DYSF: variants seen among roughly 807,000 people sequenced by gnomAD.
The protein encoded by DYSF is dystrophy-associated fer-1-like 1.
A neutral mutation model predicts 274.9 loss-of-function variants in DYSF; 212 were observed. That is an observed-to-expected ratio of 0.77 (90% CI 0.69 to 0.86). The LOEUF (loss-of-function observed/expected upper bound fraction) is 0.86. Ranked by LOEUF, DYSF falls within the 40% of genes least tolerant of loss-of-function variation. The pLI is 0.00. For missense variants in DYSF, 2,666 were observed against 2,783.2 expected (o/e 0.96, Z 0.95); for synonymous variants, 1,091 against 1,078.7 (o/e 1.01, Z -0.22).
chr2:71,607,111 G>A (rs141256503), intron 36 of DYSF, among the ~76,000 whole-genome samples: 1,869 of 152,344 alleles, frequency 0.012, 24 homozygotes, highest in Middle Eastern at 0.027. Flanking sequence ...CTTTCTATGG[G>A]AATAAGTGTA....
intron 42 of DYSF, among the ~76,000 whole-genome samples, chr2:71,648,147 A>G (rs1195148827): frequency 6.6e-6 from 1 of 152,268 alleles, no homozygotes; most frequent in Non-Finnish European, 1.5e-5. Context: ...AAAACTTATC[A>G]GTAGAAGAGG....
chr2:71,628,079 T>C (rs1002399915), intron 41 of DYSF, among the ~76,000 whole-genome samples: 1 of 152,142 alleles, frequency 6.6e-6, no homozygotes, highest in African/African-American at 2.4e-5. Context: ...TGCCATCTTA[T>C]TTTGTATCTC....
At chr2:71,538,721 T>G (rs767464448) in intron 16 of DYSF, among the ~76,000 whole-genome samples, 1 of 152,202 alleles carries the variant, frequency 6.6e-6, no homozygotes, top group Non-Finnish European at 1.5e-5. Flanking sequence ...TTCTTCCTGG[T>G]CACCTAGTTT....
chr2:71,552,928 C>A (rs928668433), intron 19 of DYSF, 83 bp from the exon 20 acceptor site: 6 of 1,463,668 alleles, frequency 4.1e-6, no homozygotes, highest in African/African-American at 2.8e-5. Context: ...ATGGCCGGGG[C>A]CTGCCAGACG....
chr2:71,513,961 G>T (rs1447640135), intron 7 of DYSF, 40 bp downstream of exon 7: 2 of 1,612,402 alleles, frequency 1.2e-6, no homozygotes, highest in Non-Finnish European at 1.7e-6. Flanking sequence ...CTCCTCTTCA[G>T]CCATCAGCTG....
intron 33 of DYSF, among the ~76,000 whole-genome samples, chr2:71,600,090 C>A (rs1017780317): frequency 2.0e-5 from 3 of 152,116 alleles, no homozygotes; most frequent in African/African-American, 7.2e-5. Context: ...GGCGGGAGGG[C>A]AGCGGTATGA....
Position 71,611,322 on chromosome 2 carries a change from A to AGC in DYSF, c.4038_4039dup (p.Leu1347ArgfsTer17), listed in dbSNP as rs1473654247. 6.2e-7 allele frequency: 1 copy of AGC among 1,613,990 alleles called. No homozygotes were observed. On this transcript the variant is annotated frameshift_variant, in exon 37 of 56. Coordinates refer to ENST00000410020, the MANE Select transcript of DYSF (RefSeq NM_001130987.2). LOFTEE classifies it high-confidence loss of function. ...ACATGGTTCCTCAGAACATCAAGCCAGCGCTCCAGCGTACCGCCATCGAGG... is the reference window on the plus strand; with the variant it reads ...ACATGGTTCCTCAGAACATCAAGCCAGCGCGCTCCAGCGTACCGCCATCGAGG...
chr2:71,458,168 T>G (rs149731195), intron 1 of DYSF, among the ~76,000 whole-genome samples: 110 of 152,316 alleles, frequency 7.2e-4, no homozygotes, highest in African/African-American at 2.3e-3. Context: ...CTGCTTTGGA[T>G]GAATCATTCT....
rs772269901 is a variant in DYSF, at chr2:71,664,303, A to G, written c.5039A>G (p.Lys1680Arg). The G allele has an allele frequency of 1.2e-6, 2 of 1,614,190 alleles. No individual in the cohort carries two copies. Among genetic ancestry groups the G allele is most frequent in the South Asian group, 1.1e-5 (1 of 91,082 alleles). ...CTGACCTGCACTCTGCCTCTGGAGAAGGACCTAAAGATCACTCTCTATGAC... is the reference window on the plus strand; with the variant it reads ...CTGACCTGCACTCTGCCTCTGGAGAGGGACCTAAAGATCACTCTCTATGAC... Reference protein sequence around the residue: ...FELTCTLPLEKDLKITLYDYD... With the variant: ...FELTCTLPLERDLKITLYDYD... Residue 1680 changes from lysine to arginine, a missense_variant, in exon 46 of 56, where the codon AAG becomes AGG. By Grantham distance (26) the Lys-to-Arg change is conservative. This residue lies in a region of DYSF where 1,460 missense variants were observed against 1,502.1 expected (regional missense o/e 0.97). Coordinates refer to ENST00000410020, the MANE Select transcript of DYSF (RefSeq NM_001130987.2).
intron 30 of DYSF, among the ~76,000 whole-genome samples, chr2:71,577,655 CAT>C (rs1280950227): frequency 1.4e-5 from 2 of 147,654 alleles, no homozygotes; most frequent in Admixed American, 6.8e-5. Context: ...CATACACAAT[CAT>C]ATGCACACGC....
intron 2 of DYSF, among the ~76,000 whole-genome samples, chr2:71,481,359 C>T (rs2082877853): frequency 6.6e-6 from 1 of 152,256 alleles, no homozygotes; most frequent in Non-Finnish European, 1.5e-5. Flanking sequence ...GCATACATGG[C>T]TCCCGGGTGG....
At chr2:71,527,010 G>A (rs938898400) in intron 13 of DYSF, among the ~76,000 whole-genome samples, 1 of 152,234 alleles carries the variant, frequency 6.6e-6, no homozygotes, top group African/African-American at 2.4e-5. Context: ...AGACCCATCT[G>A]TGTGTTTAGT....
At chr2:71,647,724 T>C (rs1049076657) in intron 42 of DYSF, among the ~76,000 whole-genome samples, 3 of 152,240 alleles carry the variant, frequency 2.0e-5, no homozygotes, top group African/African-American at 7.2e-5. Flanking sequence ...AAATATACTT[T>C]CTAATGGAAG....
intron 13 of DYSF, among the ~76,000 whole-genome samples, chr2:71,527,516 G>A (rs988767373): frequency 6.6e-6 from 1 of 152,078 alleles, no homozygotes; most frequent in Non-Finnish European, 1.5e-5. Flanking sequence ...ACTTCAAGAG[G>A]GGCATGGGGA....
rs1368149283 is a variant in DYSF at position 71,551,626 on chromosome 2, G to A, written c.1712G>A (p.Arg571His). Residue 571 changes from arginine to histidine, a missense_variant, in exon 19 of 56, where the codon CGT (arginine) becomes CAT (histidine). This residue lies in a region of DYSF where 794 missense variants were observed against 777.1 expected (regional missense o/e 1.02). Coordinates refer to ENST00000410020, the MANE Select transcript of DYSF (RefSeq NM_001130987.2). ...TGGCAGGGGGAAGGTGTGGCTTATC[G>A]TGGCCGGCTTCTGCTCTCCCTGGAG... is the stretch of plus-strand genomic sequence containing the variant. ...NTGKGEGVAYRGRLLLSLETK... is the reference protein window; with the variant it reads ...NTGKGEGVAYHGRLLLSLETK... 5.0e-6 allele frequency: 8 copies of A among 1,608,140 alleles called. No individual in the cohort carries two copies. Among genetic ancestry groups the A allele is most frequent in the Middle Eastern group, 1.7e-4 (1 of 6,056 alleles).
At chr2:71,535,845 C>T (rs1336690507) in intron 16 of DYSF, among the ~76,000 whole-genome samples, 1 of 152,188 alleles carries the variant, frequency 6.6e-6, no homozygotes, top group Non-Finnish European at 1.5e-5. Flanking sequence ...AAGACCACAG[C>T]ATCTAATACT....
At chr2:71,516,075 G>A in intron 8 of DYSF, 105 bp from the exon 9 acceptor site, 1 of 1,148,940 alleles carries the variant, frequency 8.7e-7, no homozygotes, top group Non-Finnish European at 1.3e-6. Context: ...TTTTCTGAGG[G>A]GACTAAACTG....
At chr2:71,619,675 C>T (rs1315797293) in intron 40 of DYSF, among the ~76,000 whole-genome samples, 3 of 152,188 alleles carry the variant, frequency 2.0e-5, no homozygotes, top group East Asian at 3.9e-4. Flanking sequence ...TGCTCTTTCT[C>T]GAACGGGCTG....
upstream of DYSF, among the ~76,000 whole-genome samples, chr2:71,462,679 GT>G (rs1373439019): frequency 6.6e-6 from 1 of 152,222 alleles, no homozygotes; most frequent in Admixed American, 6.5e-5. Flanking sequence ...GAAGTGGGTA[GT>G]TCCTTTCTGC....
Sources: allele counts gnomAD v4.1 joint callset (sites outside exome capture counted in the v4.1 genomes callset), GRCh38; gene constraint gnomAD v4.1.1; regional missense constraint gnomAD v4.1.1; transcripts MANE v1.5; gene names NCBI Gene and HGNC (gene_info 2026-07-23, HGNC 2026-07-21).